Variants in PPARGC1A observed in about 807,000 individuals in gnomAD.
PPARGC1A encodes peroxisome proliferator-activated receptor gamma coactivator 1-alpha.
In PPARGC1A, 25 loss-of-function variants were observed where a neutral mutation model predicts 88.7. That is an observed-to-expected ratio of 0.28 (90% CI 0.21 to 0.39). The LOEUF (loss-of-function observed/expected upper bound fraction) is 0.39, where lower values mean the gene tolerates loss of function less well. Among genes scored for constraint, PPARGC1A ranks in the 10% least tolerant of loss-of-function variants. The pLI is 1.00. For synonymous variants in PPARGC1A, 363 were observed against 355.6 expected, an observed-to-expected ratio of 1.02 and a Z score of -0.24; for missense variants, 880 against 968.7, an observed-to-expected ratio of 0.91 and a Z score of 1.22.
the PPARGC1A span, among the ~76,000 whole-genome samples, chr4:23,923,849 C>A: frequency 6.6e-6 from 1 of 152,148 alleles, no homozygotes; most frequent in Non-Finnish European, 1.5e-5. Context: ...ACCCTCAATA[C>A]CTTCTTTATA....
At chr4:24,200,516 GA>G in the PPARGC1A span, among the ~76,000 whole-genome samples, 9 of 144,612 alleles carry the variant, frequency 6.2e-5, no homozygotes, top group East Asian at 4.0e-4. Flanking sequence ...TGACTCAAAA[GA>G]AAAAAAAAAG....
At chr4:23,823,105 G>A (rs1335552722) in intron 7 of PPARGC1A, among the ~76,000 whole-genome samples, 2 of 124,416 alleles carry the variant, frequency 1.6e-5, no homozygotes, top group Non-Finnish European at 3.3e-5. Context: ...AAATGTGAGT[G>A]TGGAAAAATA....
At chr4:24,463,513 C>T in the PPARGC1A span, among the ~76,000 whole-genome samples, 1 of 152,350 alleles carries the variant, frequency 6.6e-6, no homozygotes, top group Non-Finnish European at 1.5e-5. Flanking sequence ...CATTGCGGAA[C>T]TGCCGTCATC....
the PPARGC1A span, among the ~76,000 whole-genome samples, chr4:24,171,713 C>T: frequency 6.6e-6 from 1 of 152,314 alleles, no homozygotes; most frequent in South Asian, 2.1e-4. Flanking sequence ...AAGCACATGT[C>T]CCATCCCTAT....
At chr4:23,812,655 CT>C in intron 10 of PPARGC1A, 91 bp downstream of exon 10, 2 of 1,573,694 alleles carry the variant, frequency 1.3e-6, no homozygotes. Flanking sequence ...AAAGACTTAG[CT>C]TTTGTTTATT....
At chr4:24,196,246 G>T in the PPARGC1A span, among the ~76,000 whole-genome samples, 1 of 152,192 alleles carries the variant, frequency 6.6e-6, no homozygotes, top group Admixed American at 6.5e-5. Flanking sequence ...AATAAAGGGA[G>T]AGCTAGGGAG....
At chr4:24,366,506 C>T in the PPARGC1A span, among the ~76,000 whole-genome samples, 1 of 152,116 alleles carries the variant, frequency 6.6e-6, no homozygotes, top group African/African-American at 2.4e-5. Flanking sequence ...CCTTTATCTT[C>T]TATATTAAAC....
chr4:24,382,837 C>G, the PPARGC1A span, among the ~76,000 whole-genome samples: 4 of 152,218 alleles, frequency 2.6e-5, no homozygotes, highest in Admixed American at 6.5e-5. Flanking sequence ...GTTCCTGCTG[C>G]TGGCTCTGAA....
chr4:23,981,039 C>T, the PPARGC1A span, among the ~76,000 whole-genome samples: 1 of 151,978 alleles, frequency 6.6e-6, no homozygotes, highest in Non-Finnish European at 1.5e-5. Flanking sequence ...TGTCTCTGAA[C>T]TCCTTGTAAC....
chr4:24,142,304 T>G, the PPARGC1A span, among the ~76,000 whole-genome samples: 1 of 152,040 alleles, frequency 6.6e-6, no homozygotes, highest in East Asian at 1.9e-4. Flanking sequence ...GTATATTACA[T>G]CAGAGGGTGA....
the PPARGC1A span, among the ~76,000 whole-genome samples, chr4:24,356,984 T>C: frequency 6.6e-6 from 1 of 152,120 alleles, no homozygotes; most frequent in African/African-American, 2.4e-5. Flanking sequence ...TGCAAAGGAA[T>C]TAATGTTCCC....
the PPARGC1A span, among the ~76,000 whole-genome samples, chr4:23,966,072 C>T: frequency 5.3e-5 from 8 of 152,214 alleles, 1 homozygote; most frequent in South Asian, 2.1e-4. Context: ...GCCTGTTAAA[C>T]GCACCGCACT....
chr4:23,886,424 G>A (rs1716902813), intron 1 of PPARGC1A, among the ~76,000 whole-genome samples: 1 of 152,100 alleles, frequency 6.6e-6, no homozygotes, highest in South Asian at 2.1e-4. Flanking sequence ...GGAGTCAGCA[G>A]TTGGTAAGGG....
At chr4:24,152,616 TTAG>T in the PPARGC1A span, among the ~76,000 whole-genome samples, 2 of 152,208 alleles carry the variant, frequency 1.3e-5, no homozygotes, top group African/African-American at 4.8e-5. Context: ...CCGCTTATTA[TTAG>T]TATTATTTAG....
chr4:23,971,555 T>G, the PPARGC1A span, among the ~76,000 whole-genome samples: 1 of 152,178 alleles, frequency 6.6e-6, no homozygotes, highest in Non-Finnish European at 1.5e-5. Context: ...TAGAGTCCGA[T>G]GTTTGAGGGC....
chr4:23,884,801 G>A lies in PPARGC1A; in HGVS notation c.185C>T (p.Ser62Leu). Residue 62 changes from serine (S) to leucine (L), a missense_variant, in exon 2 of 13, where the codon TCA (serine) becomes TTA (leucine). Transcript: ENST00000264867. Reference protein sequence around the residue: ...LGGLKWCSDQSEIISNQYNNE... With the variant: ...LGGLKWCSDQLEIISNQYNNE... ...GTTGTACTGATTGGATATTATTTCT[G>A]ATTGGTCACTGCACCACTTGAGTCC... 6.2e-7 allele frequency: 1 copy of A among 1,613,882 alleles called. No homozygotes were observed. The highest frequency in any genetic ancestry group is 1.7e-4 in the Middle Eastern group (1 of 6,058).
At chr4:23,865,882 T>C (rs1312427860) in intron 2 of PPARGC1A, among the ~76,000 whole-genome samples, 1 of 152,130 alleles carries the variant, frequency 6.6e-6, no homozygotes, top group Non-Finnish European at 1.5e-5. Flanking sequence ...TGGAAACTAG[T>C]ATATTGTTAA....
the PPARGC1A span, among the ~76,000 whole-genome samples, chr4:24,419,948 A>G: frequency 6.6e-6 from 1 of 152,250 alleles, no homozygotes; most frequent in African/African-American, 2.4e-5. Flanking sequence ...AAGGCATGCA[A>G]TTATATACAT....
the PPARGC1A span, among the ~76,000 whole-genome samples, chr4:24,172,344 GCATT>G: frequency 0.014 from 2,140 of 152,270 alleles, 37 homozygotes; most frequent in African/African-American, 0.048. Context: ...ATTCATCAAG[GCATT>G]CATTCATTCA....
Sources: gnomAD v4.1 joint callset for allele counts (sites outside exome capture counted in the v4.1 genomes callset) on GRCh38, gnomAD v4.1.1 for gene constraint, MANE v1.5 for transcripts, NCBI Gene and HGNC (gene_info 2026-07-23, HGNC 2026-07-21) for gene names.